Variants in SRP54 observed in about 807,000 individuals in gnomAD.
SRP54 encodes the protein signal recognition particle subunit SRP54.
Under a neutral mutation model 64.8 loss-of-function variants are expected in SRP54, and 10 were observed. The observed-to-expected ratio is 0.15, with a 90% CI of 0.10 to 0.26. The LOEUF (loss-of-function observed/expected upper bound fraction) is 0.26, where lower values mean the gene tolerates loss of function less well. SRP54 is among the 10% of genes least tolerant of loss of function. SRP54 has a pLI of 1.00. For missense variants in SRP54, 325 were observed against 613.7 expected (o/e 0.53, Z 4.97); for synonymous variants, 193 against 185.6 (o/e 1.04, Z -0.32).
intron 7 of SRP54, among the ~76,000 whole-genome samples, chr14:35,010,176 A>AG (rs749383813): frequency 1.2e-3 from 180 of 152,068 alleles, no homozygotes; most frequent in Non-Finnish European, 1.6e-3. Context: ...GGCCGGGCAC[A>AG]GTGGCTCACA....
chr14:34,983,685 ACCAT>A (rs1298732355), intron 1 of SRP54, among the ~76,000 whole-genome samples: 2 of 152,188 alleles, frequency 1.3e-5, no homozygotes, highest in Non-Finnish European at 2.9e-5. Flanking sequence ...GACGCTGCTG[ACCAT>A]CCATTTCTTG....
At chr14:35,010,589 A>C (rs2139002621) in intron 7 of SRP54, among the ~76,000 whole-genome samples, 1 of 152,022 alleles carries the variant, frequency 6.6e-6, no homozygotes, top group South Asian at 2.1e-4. Flanking sequence ...ACATGGTGAA[A>C]CCCCGTCTTT....
intron 2 of SRP54, among the ~76,000 whole-genome samples, chr14:34,998,632 T>C (rs1439095027): frequency 1.3e-5 from 2 of 151,750 alleles, no homozygotes; most frequent in African/African-American, 4.8e-5. Context: ...GCCAACATAG[T>C]GAAACTCCAT....
intron 14 of SRP54, 21 bp from the exon 15 acceptor site, chr14:35,028,067 T>TG: frequency 6.4e-7 from 1 of 1,558,320 alleles, no homozygotes; most frequent in African/African-American, 1.4e-5. Context: ...TGACTCAAAA[T>TG]CTTTTTTTTT....
intron 13 of SRP54, chr14:35,019,317 C>G: frequency 3.2e-6 from 1 of 311,100 alleles, no homozygotes; most frequent in Non-Finnish European, 6.1e-6. Context: ...AACACTAGTT[C>G]TTCATGATGT....
intron 1 of SRP54, among the ~76,000 whole-genome samples, chr14:34,995,166 TGTGTGTGTGTGTGTGTGTGTGTAGAG>T (rs539979694): frequency 0.064 from 9,181 of 142,702 alleles, 497 homozygotes; most frequent in Non-Finnish European, 0.1. Context: ...TGTGTGTGTG[TGTGTGTGTGTGTGTGTGTGTGTAGAG>T]AGAGAGAGGG....
intron 14 of SRP54, among the ~76,000 whole-genome samples, chr14:35,026,252 G>T (rs934241225): frequency 1.3e-5 from 2 of 148,266 alleles, no homozygotes; most frequent in African/African-American, 4.9e-5. Context: ...ACAGGGTCTC[G>T]CTGTGTCACC....
chr14:34,989,617 C>G (rs910994399), intron 1 of SRP54, among the ~76,000 whole-genome samples: 82 of 152,200 alleles, frequency 5.4e-4, no homozygotes, highest in African/African-American at 2.0e-3. Context: ...GGTTTTTGGA[C>G]ACTGCAGCTT....
chr14:34,996,550 T>G, intron 1 of SRP54, 127 bp from the exon 2 acceptor site: 1 of 572,996 alleles, frequency 1.7e-6, no homozygotes, highest in Non-Finnish European at 3.2e-6. Context: ...AAGCACAGGT[T>G]GAGGCTATGG....
At position 34,999,597 on chromosome 14, in the gene SRP54, T is replaced by G. The variant is rs1464008157; in HGVS notation, c.118T>G (p.Leu40Val). The G allele has an allele frequency of 2.5e-6, 4 of 1,613,480 alleles. No homozygotes were observed. The African/African-American group carries it at 5.3e-5, about 22-fold the overall frequency. The change falls in exon 3 of 16, where the codon TTG becomes GTG. Residue 40 changes from leucine to valine, a missense_variant. Leu to Val is a conservative substitution (Grantham distance 32). Around this residue, in one of 3 missense-constraint regions of SRP54, gnomAD observed 156 missense variants for 254.6 expected, o/e 0.61. Coordinates refer to ENST00000216774, the MANE Select transcript of SRP54 (RefSeq NM_003136.4). The part of the protein sequence containing the change: ...AMLKEVCTAL[L>V]EADVNIKLVK... ...GCTAAAAGAAGTCTGTACCGCTTTG[T>G]TGGAAGCAGATGTTAATATTAAACT...
At chr14:35,026,055 CAAAAA>C (rs564680386) in intron 14 of SRP54, among the ~76,000 whole-genome samples, 1 of 99,636 alleles carries the variant, frequency 1.0e-5, no homozygotes, top group African/African-American at 4.2e-5. Context: ...GAGCCTGTCT[CAAAAA>C]AAAAAAAAAA....
intron 11 of SRP54, among the ~76,000 whole-genome samples, chr14:35,017,217 G>T (rs2044458342): frequency 6.6e-6 from 1 of 152,078 alleles, no homozygotes; most frequent in African/African-American, 2.4e-5. Flanking sequence ...ATGAAGCTGG[G>T]TGTATATTCC....
intron 1 of SRP54, among the ~76,000 whole-genome samples, chr14:34,992,020 G>A (rs554831396): frequency 1.3e-5 from 2 of 152,078 alleles, no homozygotes; most frequent in African/African-American, 2.4e-5. Flanking sequence ...TGCAACCTCC[G>A]CCTCCTGGTT....
rs2043828646 is a variant in SRP54, at chr14:34,983,047, GA to G, written c.-201del. ...GGTCTTCCAGCTGGTGGGAGTTGAC[GA>G]CGTGGTGCTGGGCGTTGGGACCCTA... On this transcript the variant is annotated 5_prime_UTR_variant, in exon 1 of 16. Coordinates refer to ENST00000216774, the MANE Select transcript of SRP54 (RefSeq NM_003136.4). 6.6e-6 allele frequency: 1 copy of G among 152,384 alleles called. No individual in the cohort carries two copies. The highest frequency in any genetic ancestry group is 2.1e-4 in the South Asian group (1 of 4,828). The allele number at this position is 152,384 out of a possible 1,614,324, so 9.4% of individuals were successfully genotyped here.
intron 4 of SRP54, among the ~76,000 whole-genome samples, chr14:35,003,554 G>GT (rs1203805402): frequency 8.6e-5 from 10 of 116,588 alleles, no homozygotes; most frequent in East Asian, 7.1e-4. Context: ...TTTGTTTTTT[G>GT]TTTTTTTGGT....
Position 34,999,014 on chromosome 14 carries a change from GT to G in SRP54, c.79-526del, listed in dbSNP as rs67731588. Among the ~76,000 whole-genome samples, 174 of 36,662 alleles carry G rather than the reference GT, an allele frequency of 4.7e-3. 1 individual carries two copies. The highest frequency in any genetic ancestry group is 0.016 in the African/African-American group (158 of 9,624). The allele number at this position is 36,662 out of a possible 152,430, so 24.1% of individuals were successfully genotyped here. A position where few individuals can be genotyped will look rare whatever the true frequency, so the allele number is the denominator to read the frequency against. On this transcript the variant is annotated intron_variant, in intron 2 of 15. Transcript: ENST00000216774. ...GTGTGTGTGTGTGTGTGTGTGTGTG[GT>G]TTTTTTTTTTTTTTTTTGAGACAAA...
intron 8 of SRP54, 88 bp from the exon 9 acceptor site, chr14:35,013,258 A>G (rs1454305180): frequency 1.1e-5 from 15 of 1,322,466 alleles, no homozygotes; most frequent in Non-Finnish European, 1.6e-5. Flanking sequence ...CCTGGCTCTA[A>G]ATATTGTTTT....
chr14:34,992,036 A>G (rs1162836147), intron 1 of SRP54, among the ~76,000 whole-genome samples: 1 of 152,068 alleles, frequency 6.6e-6, no homozygotes, highest in Non-Finnish European at 1.5e-5. Flanking sequence ...TGGTTCAAGC[A>G]ATTCTCCTGC....
In SRP54 at chr14:35,001,013, T is replaced by A. The variant is rs1233154100; in HGVS notation, c.248T>A (p.Leu83His). ...ATTCAGCATGCTGTATTTAAAGAAC[T>A]TGTGAAGGTAAAAGTATATGAAGAT... ...KMIQHAVFKE[L>H]VKLVDPGVKA... The change falls in exon 4 of 16, where the codon CTT becomes CAT. Residue 83 changes from leucine to histidine, a missense_variant. Transcript: ENST00000216774. 1 of 1,571,466 alleles carries A rather than the reference T, an allele frequency of 6.4e-7. No homozygotes were observed. The highest frequency in any genetic ancestry group is 8.7e-7 in the Non-Finnish European group (1 of 1,152,770).
Sources: gnomAD v4.1 joint callset for allele counts (sites outside exome capture counted in the v4.1 genomes callset) on GRCh38, gnomAD v4.1.1 for gene constraint, gnomAD v4.1.1 regional missense constraint, MANE v1.5 for transcripts, NCBI Gene and HGNC (gene_info 2026-07-23, HGNC 2026-07-21) for gene names.